Variants in MEI4 observed in about 807,000 individuals in gnomAD.
MEI4 encodes meiosis-specific protein MEI4.
In MEI4, 27 loss-of-function variants were observed where a neutral mutation model predicts 31.4. That is an observed-to-expected ratio of 0.86 (90% confidence interval 0.63 to 1.19). The LOEUF (loss-of-function observed/expected upper bound fraction) is 1.19, where lower values mean the gene tolerates loss of function less well. MEI4 is among the 50% of genes most tolerant of loss of function. The probability of loss-of-function intolerance (pLI) is 0.00; values close to 1 mark genes in which losing one functional copy is unlikely to be tolerated. For missense variants in MEI4, 329 were observed against 398.9 expected, an observed-to-expected ratio of 0.82 and a Z score of 1.49; for synonymous variants, 122 against 145.4, an observed-to-expected ratio of 0.84 and a Z score of 1.16.
At chr6:77,866,464 C>T (rs546460512) in intron 4 of MEI4, among the ~76,000 whole-genome samples, 2 of 152,148 alleles carry the variant, frequency 1.3e-5, no homozygotes, top group Non-Finnish European at 2.9e-5. Flanking sequence ...CATGAGTGAA[C>T]TCCCATTCAC....
At chr6:77,777,467 C>T (rs1402491711) in intron 3 of MEI4, among the ~76,000 whole-genome samples, 1 of 152,040 alleles carries the variant, frequency 6.6e-6, no homozygotes, top group Non-Finnish European at 1.5e-5. Flanking sequence ...AATTGTCCTC[C>T]CACAATCAGT....
At chr6:77,764,259 A>C (rs1002428453) in intron 3 of MEI4, among the ~76,000 whole-genome samples, 9 of 152,178 alleles carry the variant, frequency 5.9e-5, no homozygotes, top group Non-Finnish European at 1.0e-4. Flanking sequence ...GTTGGCATAT[A>C]ATTGTTCATA....
chr6:77,650,409 C>G (rs895902938), upstream of MEI4, among the ~76,000 whole-genome samples: 1 of 152,228 alleles, frequency 6.6e-6, no homozygotes, highest in African/African-American at 2.4e-5. Flanking sequence ...CCCTCACTTC[C>G]CCCACGAGTG....
At chr6:77,790,156 C>A (rs997253400) in intron 3 of MEI4, among the ~76,000 whole-genome samples, 4 of 149,306 alleles carry the variant, frequency 2.7e-5, no homozygotes, top group Non-Finnish European at 5.9e-5. Flanking sequence ...ATCACAAGTA[C>A]AAAAGCAAAC....
chr6:77,669,594 A>G (rs960720326), intron 1 of MEI4, among the ~76,000 whole-genome samples: 1 of 148,372 alleles, frequency 6.7e-6, no homozygotes, highest in Non-Finnish European at 1.5e-5. Flanking sequence ...ACTGCTGAGT[A>G]AAAGAGTAAA....
intron 4 of MEI4, among the ~76,000 whole-genome samples, chr6:77,835,472 C>A (rs1770197980): frequency 6.8e-6 from 1 of 146,954 alleles, no homozygotes; most frequent in South Asian, 2.1e-4. Context: ...TGGGGAGAAA[C>A]CTAAAAGGTG....
chr6:77,834,451 A>G (rs1770163374), intron 4 of MEI4, among the ~76,000 whole-genome samples: 1 of 148,562 alleles, frequency 6.7e-6, no homozygotes, highest in Non-Finnish European at 1.5e-5. Context: ...AAATAATTTT[A>G]TAATATAAAT....
intron 4 of MEI4, among the ~76,000 whole-genome samples, chr6:77,916,953 A>G (rs1211059354): frequency 7.9e-6 from 1 of 126,094 alleles, no homozygotes; most frequent in East Asian, 2.8e-4. Flanking sequence ...CCAGAGTGTG[A>G]TATTCCCCTT....
chr6:77,869,909 C>T (rs1330627501), intron 4 of MEI4, among the ~76,000 whole-genome samples: 1 of 152,068 alleles, frequency 6.6e-6, no homozygotes, highest in East Asian at 1.9e-4. Flanking sequence ...CAATACTTAC[C>T]TGTTTAATTG....
intron 3 of MEI4, among the ~76,000 whole-genome samples, chr6:77,794,171 G>T (rs771280964): frequency 6.6e-6 from 1 of 152,130 alleles, no homozygotes; most frequent in Admixed American, 6.6e-5. Context: ...TCAGACAAAA[G>T]AATCTTTTAT....
intron 4 of MEI4, among the ~76,000 whole-genome samples, chr6:77,866,243 G>C (rs1017581920): frequency 6.6e-6 from 1 of 152,016 alleles, no homozygotes; most frequent in Admixed American, 6.6e-5. Flanking sequence ...AATTAGGCAG[G>C]AGAAGGAAAT....
chr6:77,722,013 G>A (rs1402292739), intron 2 of MEI4, among the ~76,000 whole-genome samples: 6 of 123,988 alleles, frequency 4.8e-5, no homozygotes, highest in Non-Finnish European at 1.0e-4. Context: ...ATTCCCTGAG[G>A]TAACACTTTC....
intron 3 of MEI4, among the ~76,000 whole-genome samples, chr6:77,803,648 T>C (rs1769340761): frequency 6.6e-6 from 1 of 152,220 alleles, no homozygotes; most frequent in South Asian, 2.1e-4. Context: ...AGATGGTGTT[T>C]TGGTGTGGAT....
At chr6:77,778,546 C>CA (rs1486959749) in intron 3 of MEI4, among the ~76,000 whole-genome samples, 3 of 151,524 alleles carry the variant, frequency 2.0e-5, no homozygotes, top group Admixed American at 6.6e-5. Flanking sequence ...ACTAAAAATA[C>CA]AAAAAAATAG....
At chr6:77,737,969 GACTTGA>G (rs1461489475) in intron 2 of MEI4, among the ~76,000 whole-genome samples, 1 of 152,182 alleles carries the variant, frequency 6.6e-6, no homozygotes, top group African/African-American at 2.4e-5. Flanking sequence ...GAAAGCTGGT[GACTTGA>G]ACTTGAGAGA....
intron 2 of MEI4, among the ~76,000 whole-genome samples, chr6:77,743,224 A>G (rs372834513): frequency 1.3e-5 from 2 of 152,096 alleles, no homozygotes; most frequent in Non-Finnish European, 2.9e-5. Context: ...TATGGCCATT[A>G]TCATGATATT....
At chr6:77,733,993 T>G (rs900186504) in intron 2 of MEI4, among the ~76,000 whole-genome samples, 1 of 152,040 alleles carries the variant, frequency 6.6e-6, no homozygotes, top group African/African-American at 2.4e-5. Flanking sequence ...GTCTGAGAGA[T>G]AGTTTGTTAT....
At chr6:77,798,575 C>T (rs1343521968) in intron 3 of MEI4, among the ~76,000 whole-genome samples, 3 of 151,538 alleles carry the variant, frequency 2.0e-5, no homozygotes, top group Admixed American at 1.3e-4. Flanking sequence ...ATGTGCCATG[C>T]TAGTGTGCTG....
At chr6:77,738,080 GA>G (rs1767300652) in intron 2 of MEI4, among the ~76,000 whole-genome samples, 1 of 152,186 alleles carries the variant, frequency 6.6e-6, no homozygotes, top group African/African-American at 2.4e-5. Context: ...AAACTGGAAT[GA>G]GGGGTTGTAT....
Sources: allele counts gnomAD v4.1 joint callset (sites outside exome capture counted in the v4.1 genomes callset), GRCh38; gene constraint gnomAD v4.1.1; transcripts MANE v1.5; gene names NCBI Gene and HGNC (gene_info 2026-07-23, HGNC 2026-07-21).